Variants in LARP1B observed in about 807,000 individuals in gnomAD.
LARP1B encodes La ribonucleoprotein 1B.
A neutral mutation model predicts 114.2 loss-of-function variants in LARP1B; 76 were observed. The observed-to-expected ratio is 0.67, with a 90% CI of 0.55 to 0.81. The LOEUF (loss-of-function observed/expected upper bound fraction) is 0.81, where lower values mean the gene tolerates loss of function less well. Among genes scored for constraint, LARP1B ranks in the 30% least tolerant of loss-of-function variants. The pLI, the probability that LARP1B is intolerant of heterozygous loss-of-function variation, is 0.00. For missense variants in LARP1B, 1,014 were observed against 1,075.8 expected (o/e 0.94, Z 0.80); for synonymous variants, 345 against 348.0 (o/e 0.99, Z 0.10).
chr4:128,195,721 G>T (rs1473855978), intron 15 of LARP1B, among the ~76,000 whole-genome samples: 1 of 152,124 alleles, frequency 6.6e-6, no homozygotes, highest in African/African-American at 2.4e-5. Flanking sequence ...AAAAAGATCT[G>T]AAATCGGCAA....
chr4:128,149,682 C>A (rs951613981), intron 11 of LARP1B, among the ~76,000 whole-genome samples: 2 of 152,130 alleles, frequency 1.3e-5, no homozygotes, highest in Admixed American at 6.5e-5. Flanking sequence ...TGTAAAATGT[C>A]TTTTGCCCTC....
In LARP1B at chr4:128,082,184, A is replaced by G. The variant is rs1264297439; in HGVS notation, c.237A>G (p.Val79=). 6.2e-7 allele frequency: 1 copy of G among 1,611,998 alleles called. No individual in the cohort carries two copies. The highest frequency in any genetic ancestry group is 2.2e-5 in the East Asian group (1 of 44,872). The part of the protein sequence containing the change: ...QRKRANKHKW[V]PLHLDVVRSE... ...TTCAAGCTAATAAGCACAAGTGGGT[A>G]CCACTCCACTTAGATGTTGTAAGAT... The change falls in exon 5 of 20, where the codon GTA becomes GTG. Residue 79 remains valine, a synonymous_variant. Transcript: ENST00000326639.
intron 1 of LARP1B, among the ~76,000 whole-genome samples, chr4:128,063,427 C>CAAAAAAAAAA (rs763868048): frequency 1.5e-4 from 2 of 13,212 alleles, no homozygotes; most frequent in African/African-American, 4.0e-4. Flanking sequence ...GACCCACTCT[C>CAAAAAAAAAA]AAAAAAAAAA....
In LARP1B at chr4:128,151,385, T is replaced by G. The variant is rs79126705; in HGVS notation, c.1525-10809T>G. ...TTTCTCCAGTTGTCTCAGTTGTCCT[T>G]TATAATTTCTTTTATTTTTTTCTAA... is the stretch of plus-strand genomic sequence containing the variant. On this transcript the variant is annotated intron_variant, in intron 11 of 19. Transcript: ENST00000326639. Among the ~76,000 whole-genome samples the G allele has an allele frequency of 5.4e-3, 827 of 152,308 alleles. 9 individuals are homozygous for G. Among genetic ancestry groups the G allele is most frequent in the African/African-American group, 0.019 (786 of 41,568 alleles).
chr4:128,164,915 G>A (rs1581186732), intron 12 of LARP1B, among the ~76,000 whole-genome samples: 2 of 152,096 alleles, frequency 1.3e-5, no homozygotes, highest in Admixed American at 6.6e-5. Context: ...AAAATAGGCA[G>A]CAGTGGAAAA....
chr4:128,104,595 C>T (rs768344379), intron 8 of LARP1B, among the ~76,000 whole-genome samples: 3 of 152,092 alleles, frequency 2.0e-5, no homozygotes, highest in Non-Finnish European at 4.4e-5. Flanking sequence ...CAGGCACCCA[C>T]CACCAAGCCT....
At position 128,114,706 on chromosome 4, in the gene LARP1B, T is replaced by TA. The variant is rs1433640395; in HGVS notation, c.1132dup (p.Arg378LysfsTer17). Reference sequence around the variant, plus strand: ...TGGACTCAGAACCTTGGATAGAAGTTAAAAAAAGACATCAGCCAGCCCCAG... The same window carrying TA: ...TGGACTCAGAACCTTGGATAGAAGTTAAAAAAAAGACATCAGCCAGCCCCAG... On this transcript the variant is annotated frameshift_variant, in exon 10 of 20. Coordinates refer to ENST00000326639, the MANE Select transcript of LARP1B (RefSeq NM_018078.4). LOFTEE classifies it high-confidence loss of function. The TA allele has an allele frequency of 2.5e-6, 4 of 1,614,022 alleles. No homozygotes were observed. The highest frequency in any genetic ancestry group is 3.4e-6 in the Non-Finnish European group (4 of 1,180,006).
chr4:128,084,446 A>T (rs936259832), intron 5 of LARP1B, among the ~76,000 whole-genome samples: 3 of 152,224 alleles, frequency 2.0e-5, no homozygotes, highest in Admixed American at 1.3e-4. Flanking sequence ...AGCACAGCGA[A>T]ACCCCGTCTC....
At position 128,211,572 on chromosome 4, in the gene LARP1B, A is replaced by G. The variant is rs1397479609; in HGVS notation, c.*1519A>G. ...TCAGAAAATAAATTTATTTAGATATATTGTAAAGAGGGTGCAAAACAAGCA... is the reference window on the plus strand; with the variant it reads ...TCAGAAAATAAATTTATTTAGATATGTTGTAAAGAGGGTGCAAAACAAGCA... On this transcript the variant is annotated 3_prime_UTR_variant, in exon 20 of 20. Coordinates refer to ENST00000326639, the MANE Select transcript of LARP1B (RefSeq NM_018078.4). The G allele has an allele frequency of 2.1e-6, 2 of 936,358 alleles. No homozygotes were observed. The highest frequency in any genetic ancestry group is 2.5e-6 in the Non-Finnish European group (2 of 785,510). 58.0% of individuals were successfully genotyped at this position (936,358 alleles called of 1,614,324 possible).
At chr4:128,090,562 C>G (rs1300042764) in intron 5 of LARP1B, among the ~76,000 whole-genome samples, 1 of 152,126 alleles carries the variant, frequency 6.6e-6, no homozygotes, top group Non-Finnish European at 1.5e-5. Flanking sequence ...CTTCAGATAT[C>G]TTTTCTCAAT....
chr4:128,207,267 G>C lies in LARP1B; in HGVS notation c.2431G>C (p.Gly811Arg). The change falls in exon 19 of 20, where the codon GGA (glycine) becomes CGA (arginine). Residue 811 changes from glycine to arginine, a missense_variant. Transcript: ENST00000326639. ...KKDYESGQLY[G>R]LEKFWAYLKY... ...TTCTTTGTTATTAGGTCAGCTGTAT[G>C]GACTAGAAAAGTTTTGGGCTTATTT... 2 of 1,452,148 alleles carry C rather than the reference G, an allele frequency of 1.4e-6. No individual in the cohort carries two copies. Among genetic ancestry groups the C allele is most frequent in the Non-Finnish European group, 1.9e-6 (2 of 1,080,726 alleles). 90.0% of individuals were successfully genotyped at this position (1,452,148 alleles called of 1,614,324 possible).
Position 128,077,939 on chromosome 4 carries a change from A to T in LARP1B, c.194A>T (p.Gln65Leu). The stretch of plus-strand genomic sequence containing the variant: ...GAAAACGTCAGTGAGGATGAGGCTC[A>T]GTCAAGTAATCAACGTAAGAGAGGT... Reference protein sequence around the residue: ...PGENVSEDEAQSSNQRKRANK... With the variant: ...PGENVSEDEALSSNQRKRANK... Residue 65 changes from glutamine (Q) to leucine (L), a missense_variant, in exon 4 of 20, where the codon CAG (glutamine) becomes CTG (leucine). Gln to Leu is a moderately radical substitution (Grantham distance 113). Transcript: ENST00000326639. The T allele has an allele frequency of 6.2e-7, 1 of 1,603,024 alleles. No homozygotes were observed. The highest frequency in any genetic ancestry group is 8.5e-7 in the Non-Finnish European group (1 of 1,177,086).
chr4:128,062,592 C>T (rs1579569712), intron 1 of LARP1B, among the ~76,000 whole-genome samples: 8 of 128,254 alleles, frequency 6.2e-5, no homozygotes, highest in African/African-American at 8.7e-5. Flanking sequence ...TTTTGGTAGA[C>T]TTTTTTTTTT....
At chr4:128,098,751 A>G (rs12502873) in intron 8 of LARP1B, among the ~76,000 whole-genome samples, 5,243 of 18,336 alleles carry the variant, frequency 0.29, 1,129 homozygotes, top group East Asian at 0.47. Flanking sequence ...GTATGTGTAT[A>G]TATATATATA....
In LARP1B at chr4:128,093,457, G is replaced by A. The variant is rs551484754; in HGVS notation, c.668+1945G>A. On this transcript the variant is annotated intron_variant, in intron 7 of 19. Coordinates refer to ENST00000326639, the MANE Select transcript of LARP1B (RefSeq NM_018078.4). ...TAAAAATACAAAAAATTAGCCGGGC[G>A]CGGTGGCGGGCGCCTGTAGTCCCAG... 3.9e-5 allele frequency among the ~76,000 whole-genome samples: 6 copies of A among 151,996 alleles called. No homozygotes were observed. In the East Asian group the frequency reaches 5.9e-4, roughly 15 times the overall value.
Position 128,069,220 on chromosome 4 carries a change from G to C in LARP1B, c.-77-5240G>C, listed in dbSNP as rs1273338494. 3 of 1,066,432 alleles carry C rather than the reference G, an allele frequency of 2.8e-6. No individual in the cohort carries two copies. In the African/African-American group the frequency reaches 4.6e-5, roughly 16 times the overall value. 66.1% of individuals were successfully genotyped at this position (1,066,432 alleles called of 1,614,324 possible). On this transcript the variant is annotated intron_variant, in intron 1 of 19. Transcript: ENST00000326639. ...TTTCTTCTGATAGCTTTATGGAATG[G>C]ATCAATGAGGATAACCTCAAAAAAC...
At chr4:128,213,995 C>T (rs1015734789), downstream of LARP1B, among the ~76,000 whole-genome samples, 3 of 151,500 alleles carry the variant, frequency 2.0e-5, no homozygotes, top group South Asian at 2.1e-4. Context: ...ACCTGGGAAG[C>T]GCAAGGGGTC....
At chr4:128,124,294 C>T (rs1448444318) in intron 11 of LARP1B, among the ~76,000 whole-genome samples, 1 of 152,104 alleles carries the variant, frequency 6.6e-6, no homozygotes, top group Non-Finnish European at 1.5e-5. Flanking sequence ...GATGCTATTT[C>T]ATTGAGTAGT....
intron 7 of LARP1B, 135 bp from the exon 8 acceptor site, chr4:128,098,051 A>G (rs1250269223): frequency 9.4e-6 from 6 of 637,442 alleles, no homozygotes; most frequent in East Asian, 2.8e-5. Flanking sequence ...TCTGTGTTGT[A>G]TTAGAGCTAT....
Sources: gnomAD v4.1 joint callset for allele counts (sites outside exome capture counted in the v4.1 genomes callset) on GRCh38, gnomAD v4.1.1 for gene constraint, MANE v1.5 for transcripts, NCBI Gene and HGNC (gene_info 2026-07-23, HGNC 2026-07-21) for gene names.